KCNQ1: variants seen among roughly 807,000 people sequenced by gnomAD.
KCNQ1 encodes the protein potassium voltage-gated channel subfamily KQT member 1.
In KCNQ1, 49 loss-of-function variants were observed where a neutral mutation model predicts 72.4. That is an observed-to-expected ratio of 0.68 (90% CI 0.54 to 0.86). KCNQ1 has a LOEUF of 0.86. Ranked by LOEUF, KCNQ1 falls within the 40% of genes least tolerant of loss-of-function variation. The pLI, the probability that KCNQ1 is intolerant of heterozygous loss-of-function variation, is 0.00. For missense variants in KCNQ1, 790 were observed against 945.1 expected, an observed-to-expected ratio of 0.84 and a Z score of 2.15; for synonymous variants, 450 against 412.6, an observed-to-expected ratio of 1.09 and a Z score of -1.10.
At chr11:2,609,248 C>A in intron 10 of KCNQ1, 2 of 398,204 alleles carry the variant, frequency 5.0e-6, no homozygotes, top group Non-Finnish European at 8.9e-6. Context: ...TCTCAAAGTA[C>A]GTTCCATTTC....
intron 10 of KCNQ1, chr11:2,650,806 A>T (rs1251021079): frequency 2.5e-6 from 1 of 398,634 alleles, no homozygotes; most frequent in South Asian, 1.3e-4. Flanking sequence ...AGCATGGGTC[A>T]TGTGGTTTTA....
rs558328674 is a variant in KCNQ1 at position 2,524,136 on chromosome 11, G to A, written c.387-3792G>A. ...ACTGTGATTGTGAGGATTCTTCTAA[G>A]AGAAGCAGGAGGATCTGAGTTGGAG... On this transcript the variant is annotated intron_variant, in intron 1 of 15. Transcript: ENST00000155840. Among the ~76,000 whole-genome samples the A allele has an allele frequency of 2.0e-5, 3 of 152,310 alleles. 1 individual carries two copies. In the East Asian group the frequency reaches 5.8e-4, roughly 29 times the overall value.
chr11:2,837,604 G>A (rs867292533), intron 15 of KCNQ1, among the ~76,000 whole-genome samples: 14 of 152,228 alleles, frequency 9.2e-5, no homozygotes, highest in Admixed American at 2.6e-4. Context: ...AGCAGGAACC[G>A]GGCAGACAGA....
intron 1 of KCNQ1, among the ~76,000 whole-genome samples, chr11:2,452,416 C>T (rs970651946): frequency 6.6e-6 from 1 of 152,194 alleles, no homozygotes; most frequent in African/African-American, 2.4e-5. Flanking sequence ...GTGTCCTCGA[C>T]TTCCACGCAG....
chr11:2,519,552 C>G (rs536862965), intron 1 of KCNQ1, among the ~76,000 whole-genome samples: 2 of 152,038 alleles, frequency 1.3e-5, no homozygotes. Flanking sequence ...CCCAGGAAAT[C>G]GAGGCTGCAG....
At position 2,761,833 on chromosome 11, in the gene KCNQ1, C is replaced by T. The variant is rs565546359; in HGVS notation, c.1515-7011C>T. ...CCTCAGCCCTGGCTGCTTGCAGTCC[C>T]GGCCGGCTGTTTGCCTGTGAAGGCT... On this transcript the variant is annotated intron_variant, in intron 11 of 15. Coordinates refer to ENST00000155840, the MANE Select transcript of KCNQ1 (RefSeq NM_000218.3). Among the ~76,000 whole-genome samples, 9 of 152,358 alleles carry T rather than the reference C, an allele frequency of 5.9e-5. No homozygotes were observed. In the East Asian group the frequency reaches 9.6e-4, roughly 16 times the overall value.
intron 2 of KCNQ1, among the ~76,000 whole-genome samples, chr11:2,556,816 C>G (rs1401021294): frequency 1.3e-5 from 2 of 152,112 alleles, no homozygotes; most frequent in African/African-American, 4.8e-5. Flanking sequence ...TTTGAGGAAC[C>G]AGTGAAATGA....
At chr11:2,606,846 C>A (rs184920792) in intron 10 of KCNQ1, among the ~76,000 whole-genome samples, 1 of 149,352 alleles carries the variant, frequency 6.7e-6, no homozygotes. Flanking sequence ...CTGATCTTAA[C>A]GGGGAAACAT....
At chr11:2,548,998 G>A (rs1847940149) in intron 2 of KCNQ1, among the ~76,000 whole-genome samples, 1 of 152,184 alleles carries the variant, frequency 6.6e-6, no homozygotes, top group South Asian at 2.1e-4. Flanking sequence ...GAGGATGTTT[G>A]GTGACAGGTG....
intron 10 of KCNQ1, chr11:2,615,883 T>C (rs2133796826): frequency 2.5e-6 from 1 of 398,170 alleles, no homozygotes; most frequent in East Asian, 3.6e-5. Flanking sequence ...CCTCATAGAA[T>C]GTATTGCAAA....
In KCNQ1 at chr11:2,548,542, TG is replaced by T; in HGVS notation, c.477+20530del. Among the ~76,000 whole-genome samples, 7 of 152,002 alleles carry T rather than the reference TG, an allele frequency of 4.6e-5. 1 individual carries two copies. Among genetic ancestry groups the T allele is most frequent in the African/African-American group, 1.7e-4 (7 of 41,422 alleles). ...GGTGGAGTGTCCTAAGCTCTGGGGG[TG>T]GGGGGACACGTTTACGTGTCTGCAA... On this transcript the variant is annotated intron_variant, in intron 2 of 15. Coordinates refer to ENST00000155840, the MANE Select transcript of KCNQ1 (RefSeq NM_000218.3).
rs2133806924 is a variant in KCNQ1 at position 2,623,349 on chromosome 11, A to G, written c.1393+34495A>G. 1 of 398,656 alleles carries G rather than the reference A, an allele frequency of 2.5e-6. No homozygotes were observed. Among genetic ancestry groups the G allele is most frequent in the East Asian group, 3.6e-5 (1 of 28,074 alleles). The allele number at this position is 398,656 out of a possible 1,614,324, so 24.7% of individuals were successfully genotyped here. A position where few individuals can be genotyped will look rare whatever the true frequency, so the allele number is the denominator to read the frequency against. ...ATATGCATGTATCTACCATTATAGT[A>G]TCATACAGATACGTATATTTACATA... is the stretch of plus-strand genomic sequence containing the variant. On this transcript the variant is annotated intron_variant, in intron 10 of 15. Coordinates refer to ENST00000155840, the MANE Select transcript of KCNQ1 (RefSeq NM_000218.3). This position sits in a 1 kb window ranked among gnomAD's most constrained non-coding sequence, Gnocchi z 5.2.
rs1849803259 is a variant in KCNQ1 at position 2,654,325 on chromosome 11, G to A, written c.1394-7636G>A. On this transcript the variant is annotated intron_variant, in intron 10 of 15. Coordinates refer to ENST00000155840, the MANE Select transcript of KCNQ1 (RefSeq NM_000218.3). This position sits in a 1 kb window ranked among gnomAD's most constrained non-coding sequence, Gnocchi z 6.4. ...AGATTTCTTGAGGGGGCCAGGGAGG[G>A]GGCTTCTACTTGCAAAGGATAGGGA... is the stretch of plus-strand genomic sequence containing the variant. 7.5e-6 allele frequency: 3 copies of A among 398,654 alleles called. No homozygotes were observed. The highest frequency in any genetic ancestry group is 2.1e-5 in the African/African-American group (1 of 48,612). 24.7% of individuals were successfully genotyped at this position (398,654 alleles called of 1,614,324 possible). A position where few individuals can be genotyped will look rare whatever the true frequency, so the allele number is the denominator to read the frequency against.
chr11:2,753,411 A>G (rs1846256097), intron 11 of KCNQ1, among the ~76,000 whole-genome samples: 1 of 152,068 alleles, frequency 6.6e-6, no homozygotes, highest in Non-Finnish European at 1.5e-5. Context: ...TCCCCCTGAG[A>G]AAGGGCTCCC....
At chr11:2,472,888 TG>T (rs1411426321) in intron 1 of KCNQ1, among the ~76,000 whole-genome samples, 2 of 151,980 alleles carry the variant, frequency 1.3e-5, no homozygotes, top group Non-Finnish European at 1.5e-5. Flanking sequence ...TGAGCCAAGT[TG>T]CAGCTCTGGG....
intron 2 of KCNQ1, among the ~76,000 whole-genome samples, chr11:2,561,209 A>AAAAAAAGG (rs1252888368): frequency 8.1e-6 from 1 of 123,520 alleles, no homozygotes; most frequent in East Asian, 3.1e-4. Flanking sequence ...TCAAAAAAAA[A>AAAAAAAGG]AAAAAAGAAA....
chr11:2,706,096 G>A (rs974638158), intron 11 of KCNQ1, among the ~76,000 whole-genome samples: 4 of 152,250 alleles, frequency 2.6e-5, no homozygotes, highest in African/African-American at 7.2e-5. Flanking sequence ...TGTGGCTGTG[G>A]TGGTTTTAGT....
In KCNQ1 at chr11:2,472,353, G is replaced by T. The variant is rs529829575; in HGVS notation, c.386+26869G>T. Among the ~76,000 whole-genome samples the T allele has an allele frequency of 4.0e-5, 6 of 150,016 alleles. No individual in the cohort carries two copies. The East Asian group carries it at 9.9e-4, about 25-fold the overall frequency. ...ACGTGCATGTCTGTGTGTGTTTGTG[G>T]GTGTGTGTGTACCTATGTCTGTATA... On this transcript the variant is annotated intron_variant, in intron 1 of 15. Coordinates refer to ENST00000155840, the MANE Select transcript of KCNQ1 (RefSeq NM_000218.3).
intron 11 of KCNQ1, among the ~76,000 whole-genome samples, chr11:2,727,490 A>G (rs1845784344): frequency 6.6e-6 from 1 of 152,118 alleles, no homozygotes; most frequent in Admixed American, 6.5e-5. Context: ...CTCGAGGAAT[A>G]AAGAGGAGGA....
Sources: allele counts gnomAD v4.1 joint callset (sites outside exome capture counted in the v4.1 genomes callset), GRCh38; gene constraint gnomAD v4.1.1; non-coding constraint Gnocchi (gnomAD v3.1); transcripts MANE v1.5; gene names NCBI Gene and HGNC (gene_info 2026-07-23, HGNC 2026-07-21).